CCNB3: variants seen among roughly 807,000 people sequenced by gnomAD.
CCNB3 encodes the protein G2/mitotic-specific cyclin-B3.
In CCNB3, 12 loss-of-function variants were observed where a neutral mutation model predicts 68.0. That is an observed-to-expected ratio of 0.18 (90% CI 0.11 to 0.29). The LOEUF (loss-of-function observed/expected upper bound fraction) is 0.29. CCNB3 is among the 10% of genes least tolerant of loss of function. The probability of loss-of-function intolerance (pLI) is 1.00; values close to 1 mark genes in which losing one functional copy is unlikely to be tolerated. For missense variants in CCNB3, 904 were observed against 993.1 expected, an observed-to-expected ratio of 0.91 and a Z score of 1.21; for synonymous variants, 354 against 388.9, an observed-to-expected ratio of 0.91 and a Z score of 1.06.
At chrX:50,343,589 C>T (rs908782211) in intron 9 of CCNB3, among the ~76,000 whole-genome samples, 3 of 111,070 alleles carry the variant, frequency 2.7e-5, no homozygotes, top group Non-Finnish European at 5.7e-5. Flanking sequence ...ACCTGTGGTC[C>T]CAGCTACATA....
chrX:50,319,509 A>G (rs1418799038), intron 8 of CCNB3, among the ~76,000 whole-genome samples: 1 of 111,325 alleles, frequency 9.0e-6, no homozygotes, highest in Non-Finnish European at 1.9e-5. Context: ...CTTTTTTTGT[A>G]GATTTCTTGG....
intron 1 of CCNB3, among the ~76,000 whole-genome samples, chrX:50,226,307 A>ATATATATATTTAT (rs1935792067): frequency 3.6e-5 from 1 of 27,900 alleles, no homozygotes; most frequent in African/African-American, 9.4e-5. Context: ...TATATATAGA[A>ATATATATATTTAT]ATATATAAAC....
chrX:50,208,605 A>G (rs1478279217), intron 1 of CCNB3, among the ~76,000 whole-genome samples: 1 of 112,215 alleles, frequency 8.9e-6, no homozygotes. Flanking sequence ...GTCATGGTAT[A>G]TGTTAAATAA....
At chrX:50,322,896 G>A (rs201611232) in intron 8 of CCNB3, among the ~76,000 whole-genome samples, 5 of 110,827 alleles carry the variant, frequency 4.5e-5, no homozygotes, top group South Asian at 3.9e-4. Context: ...TTAGAATGGC[G>A]ATCATTAAAA....
chrX:50,336,422 A>T (rs1922857166), intron 8 of CCNB3, among the ~76,000 whole-genome samples: 1 of 111,360 alleles, frequency 9.0e-6, no homozygotes, highest in African/African-American at 3.3e-5. Flanking sequence ...GGCTTGTTGC[A>T]TCTCTATTCA....
At position 50,295,006 on chromosome X, in the gene CCNB3, G is replaced by T; in HGVS notation, c.335+13G>T. 1 of 1,190,684 alleles carries T rather than the reference G, an allele frequency of 8.4e-7. No individual in the cohort carries two copies. The highest frequency in any genetic ancestry group is 1.8e-5 in the African/African-American group (1 of 56,960). ...GGAATCTAAAATGGTGAGTGAAAGGGGACTCAGATGGCATTATTTTAGATG... is the reference window on the plus strand; with the variant it reads ...GGAATCTAAAATGGTGAGTGAAAGGTGACTCAGATGGCATTATTTTAGATG... On this transcript the variant is annotated intron_variant, in intron 5 of 12. Coordinates refer to ENST00000376042, the MANE Select transcript of CCNB3 (RefSeq NM_033031.3).
chrX:50,279,542 C>T (rs1473096715), intron 1 of CCNB3, among the ~76,000 whole-genome samples: 3 of 78,040 alleles, frequency 3.8e-5, no homozygotes, highest in East Asian at 3.7e-4. Context: ...AATATATATT[C>T]ATATATATAA....
chrX:50,279,715 C>G (rs1487678451), intron 1 of CCNB3, among the ~76,000 whole-genome samples: 2 of 87,106 alleles, frequency 2.3e-5, no homozygotes, highest in Admixed American at 1.6e-4. Context: ...TATGTATATT[C>G]ATATATGTAA....
At chrX:50,215,703 G>A (rs951965967) in intron 1 of CCNB3, among the ~76,000 whole-genome samples, 1 of 110,808 alleles carries the variant, frequency 9.0e-6, no homozygotes, top group South Asian at 3.8e-4. Context: ...ATACACGTTT[G>A]AGATTTCTGT....
chrX:50,351,388 G>A lies in CCNB3; in HGVS notation c.4091+17G>A, dbSNP rs782435333. The A allele has an allele frequency of 4.3e-5, 52 of 1,206,501 alleles. No individual in the cohort carries two copies. The highest frequency in any genetic ancestry group is 8.9e-5 in the South Asian group (5 of 56,435). The stretch of plus-strand genomic sequence containing the variant: ...TTCTCACCCGTAAGTACTAAGCCCC[G>A]GATGAGGTTGGGTTTGTGTTCATTT... On this transcript the variant is annotated intron_variant, in intron 12 of 12. Coordinates refer to ENST00000376042, the MANE Select transcript of CCNB3 (RefSeq NM_033031.3).
chrX:50,226,281 T>C (rs1244027330), intron 1 of CCNB3, among the ~76,000 whole-genome samples: 1 of 57,986 alleles, frequency 1.7e-5, no homozygotes, highest in Non-Finnish European at 2.7e-5. Context: ...ATATATATAT[T>C]TATATATATA....
At chrX:50,283,254 C>G (rs1476586939) in intron 1 of CCNB3, among the ~76,000 whole-genome samples, 2 of 111,431 alleles carry the variant, frequency 1.8e-5, no homozygotes, top group Non-Finnish European at 3.8e-5. Flanking sequence ...CCTCCTCATA[C>G]TATGGCCTTT....
chrX:50,327,387 A>G (rs1922343051), intron 8 of CCNB3, among the ~76,000 whole-genome samples: 1 of 112,690 alleles, frequency 8.9e-6, no homozygotes, highest in African/African-American at 3.2e-5. Context: ...GAAGGGTATC[A>G]TCTTACATTC....
chrX:50,314,951 T>C (rs1921644752), intron 8 of CCNB3, among the ~76,000 whole-genome samples: 1 of 9,754 alleles, frequency 1.0e-4, no homozygotes, highest in Admixed American at 1.9e-3. Context: ...AGGAAATAAA[T>C]GGCTTACAGA....
In CCNB3 at chrX:50,309,633, T is replaced by C. The variant is rs1164865675; in HGVS notation, c.1464T>C (p.Pro488=). 1.7e-6 allele frequency: 2 copies of C among 1,211,041 alleles called. No individual in the cohort carries two copies. Among genetic ancestry groups the C allele is most frequent in the African/African-American group, 1.7e-5 (1 of 57,613 alleles). The change falls in exon 6 of 13, where the codon CCT becomes CCC. Residue 488 remains proline (P), a synonymous_variant. Transcript: ENST00000376042. The part of the protein sequence containing the change: ...TIEEAPPTKK[P]LILKRKHATQ... ...AGGAGGCACCCCCCACCAAGAAGCCTTTAATTTTAAAGAGGAAGCATGCCA... is the reference window on the plus strand; with the variant it reads ...AGGAGGCACCCCCCACCAAGAAGCCCTTAATTTTAAAGAGGAAGCATGCCA...
chrX:50,345,248 C>G (rs1426269994), intron 9 of CCNB3, among the ~76,000 whole-genome samples: 1 of 108,901 alleles, frequency 9.2e-6, no homozygotes, highest in African/African-American at 3.4e-5. Context: ...TTGCTTGCTC[C>G]CTCCTCCCTT....
At chrX:50,337,143 A>G (rs1407122200) in intron 8 of CCNB3, among the ~76,000 whole-genome samples, 1 of 109,680 alleles carries the variant, frequency 9.1e-6, no homozygotes, top group Non-Finnish European at 1.9e-5. Flanking sequence ...GCCGTAAGTG[A>G]GCTGCCAAGG....
chrX:50,314,749 A>G (rs1921636579), intron 8 of CCNB3, among the ~76,000 whole-genome samples: 1 of 111,508 alleles, frequency 9.0e-6, no homozygotes, highest in African/African-American at 3.3e-5. Context: ...ATCAGGTAAG[A>G]GTAAAATTTG....
intron 1 of CCNB3, among the ~76,000 whole-genome samples, chrX:50,280,899 A>G (rs1936124701): frequency 9.1e-6 from 1 of 109,970 alleles, no homozygotes. Context: ...GGCTGGGACT[A>G]TAGGTACGCG....
Sources: gnomAD v4.1 joint callset for allele counts (sites outside exome capture counted in the v4.1 genomes callset) on GRCh38, gnomAD v4.1.1 for gene constraint, MANE v1.5 for transcripts, NCBI Gene and HGNC (gene_info 2026-07-23, HGNC 2026-07-21) for gene names.